Variants in PDE4A observed in about 807,000 individuals in gnomAD.
PDE4A encodes phosphodiesterase 4A.
Under a neutral mutation model 73.9 loss-of-function variants are expected in PDE4A, and 21 were observed. The observed-to-expected ratio is 0.28, with a 90% CI of 0.20 to 0.41. The LOEUF (loss-of-function observed/expected upper bound fraction) is 0.41. PDE4A is among the 10% of genes least tolerant of loss of function. PDE4A has a pLI of 1.00. For synonymous variants in PDE4A, 463 were observed against 505.4 expected (o/e 0.92, Z 1.13); for missense variants, 958 against 1,211.4 (o/e 0.79, Z 3.10).
At chr19:10,417,765 C>A, upstream of PDE4A, 1 of 1,571,758 alleles carries the variant, frequency 6.4e-7, no homozygotes, top group South Asian at 1.1e-5. Flanking sequence ...CTGGGCCCAG[C>A]CTGAGCCCTC....
In PDE4A at chr19:10,424,695, A is replaced by T. The variant is rs2042693650; in HGVS notation, c.320+3611A>T. On this transcript the variant is annotated intron_variant, in intron 1 of 14. Transcript: ENST00000380702. This position sits in a 1 kb window ranked among gnomAD's most constrained non-coding sequence, Gnocchi z 4.8. ...GGGTCCTCGCCCTCCCGGGCTTGGG[A>T]CCAGGCCGCTTTCCCCATGCGCCAG... Among the ~76,000 whole-genome samples, 1 of 152,202 alleles carries T rather than the reference A, an allele frequency of 6.6e-6. No homozygotes were observed. Among genetic ancestry groups the T allele is most frequent in the Non-Finnish European group, 1.5e-5 (1 of 68,032 alleles).
Position 10,466,872 on chromosome 19 carries a change from C to G in PDE4A, c.1927-15C>G, listed in dbSNP as rs759127422. 6 of 1,607,390 alleles carry G rather than the reference C, an allele frequency of 3.7e-6. No individual in the cohort carries two copies. In the Admixed American group the frequency reaches 8.4e-5, roughly 22 times the overall value. On this transcript the variant is annotated splice_polypyrimidine_tract_variant and intron_variant, in intron 14 of 14. Transcript: ENST00000380702. ...CCCATAGGCCGCCCATTTATACTTT[C>G]TTCCCCTCCACCAGGTGGGTTTTAT...
At chr19:10,464,036 T>G in intron 14 of PDE4A, 61 bp downstream of exon 14, 3 of 1,600,216 alleles carry the variant, frequency 1.9e-6, no homozygotes, top group Non-Finnish European at 2.6e-6. Flanking sequence ...CATCTTGGCC[T>G]GAAGTTCTGA....
At chr19:10,460,289 G>A (rs1205300531) in intron 10 of PDE4A, among the ~76,000 whole-genome samples, 2 of 151,314 alleles carry the variant, frequency 1.3e-5, no homozygotes, top group Admixed American at 6.6e-5. Flanking sequence ...ACCTGAGGTC[G>A]GGAGTTTGAG....
chr19:10,434,646 A>G (rs1028856010), intron 1 of PDE4A, among the ~76,000 whole-genome samples: 1 of 151,826 alleles, frequency 6.6e-6, no homozygotes, highest in Admixed American at 6.6e-5. Context: ...GCTGGAGTGC[A>G]GTGGTGCGAT....
rs573804054 is a variant in PDE4A, at chr19:10,424,886, G to A, written c.320+3802G>A. Among the ~76,000 whole-genome samples, 1 of 152,334 alleles carries A rather than the reference G, an allele frequency of 6.6e-6. No homozygotes were observed. Among genetic ancestry groups the A allele is most frequent in the Non-Finnish European group, 1.5e-5 (1 of 68,028 alleles). ...TCCTGCCCGGGAAACAGAGACCATG[G>A]GACTTGCCCAAGGTCACACAGCGAG... On this transcript the variant is annotated intron_variant, in intron 1 of 14. Coordinates refer to ENST00000380702, the MANE Select transcript of PDE4A (RefSeq NM_001111307.2). This position sits in a 1 kb window ranked among gnomAD's most constrained non-coding sequence, Gnocchi z 4.8.
At chr19:10,417,091 C>A, upstream of PDE4A, 1 of 1,474,626 alleles carries the variant, frequency 6.8e-7, no homozygotes, top group Non-Finnish European at 9.0e-7. Flanking sequence ...GGCTTCACTA[C>A]CTCCAAGCTG....
intron 2 of PDE4A, 198 bp from the exon 3 acceptor site, chr19:10,448,719 C>A (rs1029981474): frequency 3.1e-6 from 2 of 650,876 alleles, no homozygotes; most frequent in Non-Finnish European, 1.9e-6. Context: ...CTACCTGAGC[C>A]ACACTCCTTG....
chr19:10,432,381 C>T, intron 1 of PDE4A: 2 of 1,332,354 alleles, frequency 1.5e-6, no homozygotes, highest in Non-Finnish European at 1.9e-6. Flanking sequence ...CAGCGCGCGC[C>T]ACACCGCCCT....
chr19:10,443,634 G>T (rs2042967005), intron 1 of PDE4A, among the ~76,000 whole-genome samples: 1 of 152,022 alleles, frequency 6.6e-6, no homozygotes. Context: ...GATAGCTTGA[G>T]CCCAGGAAGT....
chr19:10,459,002 C>G (rs2043214791), intron 8 of PDE4A: 1 of 182,954 alleles, frequency 5.5e-6, no homozygotes, highest in South Asian at 1.4e-4. Context: ...TTCTTCCTTT[C>G]TCCCCTGGGG....
chr19:10,462,677 A>G (rs2043293625), intron 13 of PDE4A, among the ~76,000 whole-genome samples: 1 of 151,022 alleles, frequency 6.6e-6, no homozygotes, highest in African/African-American at 2.4e-5. Context: ...TCTCCTTCCC[A>G]TCTCTCCCAC....
rs1195763088 is a variant in PDE4A, at chr19:10,424,002, G to A, written c.320+2918G>A. Among the ~76,000 whole-genome samples the A allele has an allele frequency of 6.6e-6, 1 of 152,212 alleles. No individual in the cohort carries two copies. Among genetic ancestry groups the A allele is most frequent in the African/African-American group, 2.4e-5 (1 of 41,458 alleles). On this transcript the variant is annotated intron_variant, in intron 1 of 14. Coordinates refer to ENST00000380702, the MANE Select transcript of PDE4A (RefSeq NM_001111307.2). The surrounding 1 kb of genome is among the most constrained non-coding windows in gnomAD (Gnocchi z 4.8). ...GGGGTTTTTACCAGGGCACATACAGGATTCAGTGCTCCCCACACTGGAGTT... is the reference window on the plus strand; with the variant it reads ...GGGGTTTTTACCAGGGCACATACAGAATTCAGTGCTCCCCACACTGGAGTT...
rs2043054654 is a variant in PDE4A at position 10,449,140 on chromosome 19, C to A, written c.610C>A (p.Pro204Thr). 6.2e-7 allele frequency: 1 copy of A among 1,613,400 alleles called. No homozygotes were observed. The highest frequency in any genetic ancestry group is 8.5e-7 in the Non-Finnish European group (1 of 1,179,768). The change falls in exon 4 of 15, where the codon CCC (proline) becomes ACC (threonine). Residue 204 changes from proline to threonine, a missense_variant. Around this residue, in one of 3 missense-constraint regions of PDE4A, gnomAD observed 570 missense variants for 827.7 expected, o/e 0.69. Transcript: ENST00000380702. ...CTCACTCCTGACCAATGTGCCCGTT[C>A]CCAGTAACAAGTAAGTGAAGGCTGG... ...NFSLLTNVPV[P>T]SNKRSPLGGP...
intron 6 of PDE4A, 165 bp from the exon 7 acceptor site, chr19:10,454,664 G>A: frequency 1.2e-6 from 1 of 808,654 alleles, no homozygotes. Flanking sequence ...GGGAGGACAG[G>A]AAAGGCTGAC....
intron 10 of PDE4A, among the ~76,000 whole-genome samples, chr19:10,460,356 G>A (rs1479729898): frequency 3.9e-5 from 6 of 151,946 alleles, no homozygotes; most frequent in East Asian, 2.0e-4. Flanking sequence ...AAAATTAGCC[G>A]GGCGTGGTGG....
At position 10,449,065 on chromosome 19, in the gene PDE4A, C is replaced by G. The variant is rs200168682; in HGVS notation, c.550-15C>G. On this transcript the variant is annotated splice_polypyrimidine_tract_variant and intron_variant, in intron 3 of 14. Coordinates refer to ENST00000380702, the MANE Select transcript of PDE4A (RefSeq NM_001111307.2). ...CTAGGGGAACCCCACTCCTCACTGC[C>G]GCTCCCCATCCCAGGTGCTGGCCAG... 27 of 1,613,074 alleles carry G rather than the reference C, an allele frequency of 1.7e-5. 1 individual carries two copies. The highest frequency in any genetic ancestry group is 9.3e-5 in the African/African-American group (7 of 75,040).
At chr19:10,429,580 C>T (rs570330440) in intron 1 of PDE4A, among the ~76,000 whole-genome samples, 1 of 152,206 alleles carries the variant, frequency 6.6e-6, no homozygotes, top group East Asian at 1.9e-4. Flanking sequence ...TCAAGTGATC[C>T]GCCCACCTTC....
chr19:10,452,020 GGTGTGTGTGTGTGTGT>G (rs58194674), intron 6 of PDE4A, among the ~76,000 whole-genome samples: 12 of 140,098 alleles, frequency 8.6e-5, no homozygotes, highest in East Asian at 2.1e-4. Flanking sequence ...TTTCTGCAAT[GGTGTGTGTGTGTGTGT>G]GTGTGTGTGT....
Sources: allele counts gnomAD v4.1 joint callset (sites outside exome capture counted in the v4.1 genomes callset), GRCh38; gene constraint gnomAD v4.1.1; regional missense constraint gnomAD v4.1.1; non-coding constraint Gnocchi (gnomAD v3.1); transcripts MANE v1.5; gene names NCBI Gene and HGNC (gene_info 2026-07-23, HGNC 2026-07-21).